The following ABCA7 variants were observed in gnomAD, a reference collection of about 807,000 sequenced individuals.
ABCA7 encodes the protein ATP binding cassette subfamily A member 7, also known as phospholipid-transporting ATPase ABCA7.
Under a neutral mutation model 227.6 loss-of-function variants are expected in ABCA7, and 261 were observed. The ratio of observed to expected loss-of-function variants is 1.15; its 90% CI spans 1.04 to 1.27. ABCA7 has a LOEUF of 1.27. ABCA7 is among the 50% of genes most tolerant of loss of function. The probability of loss-of-function intolerance (pLI) is 0.00; values close to 1 mark genes in which losing one functional copy is unlikely to be tolerated. For missense variants in ABCA7, 3,331 were observed against 2,924.5 expected (o/e 1.14, Z -3.21); for synonymous variants, 1,488 against 1,279.7 (o/e 1.16, Z -3.47).
chr19:1,057,265 A>G, intron 34 of ABCA7, 49 bp from the exon 35 acceptor site: 1 of 1,599,748 alleles, frequency 6.3e-7, no homozygotes, highest in Non-Finnish European at 8.6e-7. Context: ...TGAGGGTGGC[A>G]GTGCCCACCT....
In ABCA7 at chr19:1,058,263, C is replaced by T. The variant is rs749753167; in HGVS notation, c.5143C>T (p.Arg1715Cys). Residue 1715 changes from arginine to cysteine, a missense_variant, in exon 37 of 47, where the codon CGC (arginine) becomes TGC (cysteine). By Grantham distance (180) the Arg-to-Cys change is radical. Coordinates refer to ENST00000263094, the MANE Select transcript of ABCA7 (RefSeq NM_019112.4). ...RNQAMADAFERLGDRQFQSPL... is the reference protein window; with the variant it reads ...RNQAMADAFECLGDRQFQSPL... ...CCAGGCCATGGCTGATGCCTTTGAGCGCTTGGGTGAGAACTTCCTGTCAGG... is the reference window on the plus strand; with the variant it reads ...CCAGGCCATGGCTGATGCCTTTGAGTGCTTGGGTGAGAACTTCCTGTCAGG... The T allele has an allele frequency of 4.1e-5, 66 of 1,613,020 alleles. No homozygotes were observed. The highest frequency in any genetic ancestry group is 3.7e-4 in the South Asian group (34 of 91,040).
In ABCA7 at chr19:1,056,318, AC is replaced by A. The variant is rs60622178; in HGVS notation, c.4417-7del. The A allele has an allele frequency of 4.2e-3, 6,739 of 1,610,820 alleles. 249 individuals carry two copies. In the African/African-American group the frequency reaches 0.078, roughly 19 times the overall value. ...CCATTGCTCTGACCCTATGACCTTGACCCCCACCCAGATCTGGTTCAACAAC... is the reference window on the plus strand; with the variant it reads ...CCATTGCTCTGACCCTATGACCTTGACCCCACCCAGATCTGGTTCAACAAC... On this transcript the variant is annotated splice_polypyrimidine_tract_variant and intron_variant, in intron 32 of 46. Transcript: ENST00000263094. This position sits in a 1 kb window ranked among gnomAD's most constrained non-coding sequence, Gnocchi z 4.3.
Position 1,041,240 on chromosome 19 carries a change from T to C in ABCA7, c.-122T>C. On this transcript the variant is annotated 5_prime_UTR_variant, in exon 2 of 47. Coordinates refer to ENST00000263094, the MANE Select transcript of ABCA7 (RefSeq NM_019112.4). The stretch of plus-strand genomic sequence containing the variant: ...CTCTAATCAGAGCTTCCAGGAACCC[T>C]GCGCTGTGGGATAAAGGAATGAGGT... 3 of 1,019,560 alleles carry C rather than the reference T, an allele frequency of 2.9e-6. No individual in the cohort carries two copies. The highest frequency in any genetic ancestry group is 4.6e-6 in the Non-Finnish European group (3 of 651,802). The allele number at this position is 1,019,560 out of a possible 1,614,324, so 63.2% of individuals were successfully genotyped here.
intron 37 of ABCA7, 60 bp from the exon 38 acceptor site, chr19:1,058,558 G>A: frequency 1.3e-6 from 2 of 1,598,160 alleles, no homozygotes; most frequent in South Asian, 1.1e-5. Flanking sequence ...TGACATGGAT[G>A]GAGAAAGGGC....
Position 1,048,970 on chromosome 19 carries a change from G to C in ABCA7, c.2345G>C (p.Ser782Thr). The change falls in exon 17 of 47, where the codon AGT becomes ACT. Residue 782 changes from serine to threonine, a missense_variant. By Grantham distance (58) the Ser-to-Thr change is moderately conservative. Coordinates refer to ENST00000263094, the MANE Select transcript of ABCA7 (RefSeq NM_019112.4). ...SYWCGPRPPK[S>T]PAPCPTPLDP... Reference sequence around the variant, plus strand: ...TGGTGCGGACCTCGGCCCCCCAAGAGTCCAGCCCCTTGCCCCACCCCGCTG... The same window carrying C: ...TGGTGCGGACCTCGGCCCCCCAAGACTCCAGCCCCTTGCCCCACCCCGCTG... 1.2e-6 allele frequency: 2 copies of C among 1,607,608 alleles called. No homozygotes were observed. Among genetic ancestry groups the C allele is most frequent in the Non-Finnish European group, 8.5e-7 (1 of 1,177,516 alleles).
intron 42 of ABCA7, among the ~76,000 whole-genome samples, 160 bp downstream of exon 42, chr19:1,062,473 C>G (rs754627311): frequency 6.6e-6 from 1 of 152,084 alleles, no homozygotes; most frequent in Non-Finnish European, 1.5e-5. Flanking sequence ...GTCCCCCATC[C>G]TGGTCCAATA....
At chr19:1,040,677 C>G (rs2039941141) in intron 1 of ABCA7, among the ~76,000 whole-genome samples, 1 of 152,122 alleles carries the variant, frequency 6.6e-6, no homozygotes, top group Non-Finnish European at 1.5e-5. Flanking sequence ...CTATCCCAGC[C>G]CCTTCGCCTG....
rs765172308 is a variant in ABCA7, at chr19:1,046,226, G to T, written c.1446-4G>T. The T allele has an allele frequency of 1.1e-5, 18 of 1,605,878 alleles. No homozygotes were observed. The highest frequency in any genetic ancestry group is 1.5e-5 in the Non-Finnish European group (18 of 1,179,316). On this transcript the variant is annotated splice_region_variant and splice_polypyrimidine_tract_variant and intron_variant, in intron 12 of 46. Coordinates refer to ENST00000263094, the MANE Select transcript of ABCA7 (RefSeq NM_019112.4). ...TACAACCGGCCACCATGCCCCTCTC[G>T]CAGGTTTTGGGACCCTGGCCCAGCC...
In ABCA7 at chr19:1,052,198, G is replaced by T; in HGVS notation, c.3148-16G>T. 4 of 1,597,580 alleles carry T rather than the reference G, an allele frequency of 2.5e-6. No individual in the cohort carries two copies. The highest frequency in any genetic ancestry group is 3.4e-6 in the Non-Finnish European group (4 of 1,173,386). On this transcript the variant is annotated splice_polypyrimidine_tract_variant and intron_variant, in intron 22 of 46. Coordinates refer to ENST00000263094, the MANE Select transcript of ABCA7 (RefSeq NM_019112.4). ...AGCCCTGAAGGCCAAGCCACTTGGT[G>T]CCTCTCTGCCCGCAGGCTGACACTG...
chr19:1,048,822 AAC>A lies in ABCA7; in HGVS notation c.2270-71_2270-70del, dbSNP rs1455055196. ...AGACTCCGTCTCAAAAAAAAAAAAA[AAC>A]AAAACCCCAAAAAAAGCCTGGTACA... On this transcript the variant is annotated intron_variant, in intron 16 of 46. Transcript: ENST00000263094. 6,501 of 821,246 alleles carry A rather than the reference AAC, an allele frequency of 7.9e-3. 93 individuals carry two copies. The highest frequency in any genetic ancestry group is 0.055 in the African/African-American group (2,628 of 47,810). The allele number at this position is 821,246 out of a possible 1,614,324, so 50.9% of individuals were successfully genotyped here.
At position 1,043,799 on chromosome 19, in the gene ABCA7, C is replaced by T. The variant is rs61050214; in HGVS notation, c.1005C>T (p.Ile335=). The part of the protein sequence containing the change: ...REVWEMLGPR[I]FTFMNDSSNV... ...TGTGGGAGATGCTGGGACCCCGGAT[C>T]TTCACCTTCATGAACGACAGTTCCA... Residue 335 remains isoleucine (I), a synonymous_variant, in exon 10 of 47, where the codon ATC becomes ATT. Transcript: ENST00000263094. The T allele has an allele frequency of 1.9e-6, 3 of 1,613,224 alleles. No individual in the cohort carries two copies. Among genetic ancestry groups the T allele is most frequent in the Non-Finnish European group, 2.5e-6 (3 of 1,179,984 alleles).
rs902473731 is a variant in ABCA7, at chr19:1,051,517, G to A, written c.2893G>A (p.Glu965Lys). 8 of 1,612,606 alleles carry A rather than the reference G, an allele frequency of 5.0e-6. No homozygotes were observed. In the Admixed American group the frequency reaches 6.7e-5, roughly 13 times the overall value. Residue 965 changes from glutamate (E) to lysine (K), a missense_variant, in exon 21 of 47, where the codon GAG (glutamate) becomes AAG (lysine). Glu to Lys is a moderately conservative substitution (Grantham distance 56, BLOSUM62 1). Transcript: ENST00000263094. ...CGGCTCCCAAGTTGTTATCCTGGAC[G>A]AGCCTACGGCTGGCGTGGATCCTGC... is the stretch of plus-strand genomic sequence containing the variant. ...VGGSQVVILD[E>K]PTAGVDPASR...
At position 1,063,786 on chromosome 19, in the gene ABCA7, C is replaced by A; in HGVS notation, c.5874C>A (p.Pro1958=). The change falls in exon 44 of 47, where the codon CCC becomes CCA. Residue 1958 remains proline, a synonymous_variant. Transcript: ENST00000263094. ...ACGAGCCGACCACAGGCATGGACCC[C>A]AGCGCGCGGCGCTTCCTTTGGAACA... ...FLDEPTTGMD[P]SARRFLWNSL... 6.5e-7 allele frequency: 1 copy of A among 1,546,898 alleles called. No individual in the cohort carries two copies. The highest frequency in any genetic ancestry group is 1.4e-5 in the African/African-American group (1 of 73,164).
intron 13 of ABCA7, 76 bp from the exon 14 acceptor site, chr19:1,046,726 C>A: frequency 7.1e-7 from 1 of 1,410,094 alleles, no homozygotes; most frequent in Non-Finnish European, 9.6e-7. Context: ...GGACACGAAC[C>A]AGTCGTGCCA....
chr19:1,060,280 T>C (rs1407047694), intron 40 of ABCA7, among the ~76,000 whole-genome samples: 9 of 151,728 alleles, frequency 5.9e-5, no homozygotes, highest in Admixed American at 5.9e-4. Context: ...GGTGTAATCT[T>C]GGCTCACGGT....
chr19:1,063,832 G>C lies in ABCA7; in HGVS notation c.5920G>C (p.Glu1974Gln). 1 of 1,542,588 alleles carries C rather than the reference G, an allele frequency of 6.5e-7. No homozygotes were observed. The highest frequency in any genetic ancestry group is 8.7e-7 in the Non-Finnish European group (1 of 1,144,822). ...LWNSLLAVVR[E>Q]GRSVMLTSHS... ...GAACAGCCTTTTGGCCGTGGTGCGG[G>C]AGGGCCGTTCAGTGATGCTCACCTC... Residue 1974 changes from glutamate to glutamine, a missense_variant, in exon 44 of 47, where the codon GAG becomes CAG. Coordinates refer to ENST00000263094, the MANE Select transcript of ABCA7 (RefSeq NM_019112.4).
intron 30 of ABCA7, among the ~76,000 whole-genome samples, chr19:1,055,677 AT>A (rs2042189497): frequency 6.6e-6 from 1 of 151,464 alleles, no homozygotes; most frequent in South Asian, 2.1e-4. Flanking sequence ...TAATTTTTGT[AT>A]TTTTAGTAGA....
In ABCA7 at chr19:1,056,083, TG is replaced by T. The variant is rs768628795; in HGVS notation, c.4262del (p.Gly1421AlafsTer23). On this transcript the variant is annotated frameshift_variant, in exon 32 of 47. Transcript: ENST00000263094. LOFTEE classifies it high-confidence loss of function. The surrounding 1 kb of genome is among the most constrained non-coding windows in gnomAD (Gnocchi z 4.3). ...CCCCACAGATACGGAGGCTTCTCGC[TG>T]GGGGGCCGAGACCCAGGCCTGCCCT... The part of the protein sequence containing the change: ...VNEVRYGGFS[L>X]GGRDPGLPSG... 12 of 1,595,850 alleles carry T rather than the reference TG, an allele frequency of 7.5e-6. No homozygotes were observed. The highest frequency in any genetic ancestry group is 1.0e-5 in the Non-Finnish European group (12 of 1,170,058).
Position 1,051,313 on chromosome 19 carries a change from G to A in ABCA7, c.2824+19G>A, listed in dbSNP as rs777840432. 2.5e-6 allele frequency: 4 copies of A among 1,573,738 alleles called. No individual in the cohort carries two copies. In the African/African-American group the frequency reaches 5.5e-5, roughly 21 times the overall value. On this transcript the variant is annotated intron_variant, in intron 20 of 46. Transcript: ENST00000263094. ...CTCTCTGGTGAGCCCATCCCCAAGGGAGGTCACCTCACAGGGAGGGGCCTG... is the reference window on the plus strand; with the variant it reads ...CTCTCTGGTGAGCCCATCCCCAAGGAAGGTCACCTCACAGGGAGGGGCCTG...
Sources: allele counts gnomAD v4.1 joint callset (sites outside exome capture counted in the v4.1 genomes callset), GRCh38; gene constraint gnomAD v4.1.1; non-coding constraint Gnocchi (gnomAD v3.1); transcripts MANE v1.5; gene names NCBI Gene and HGNC (gene_info 2026-07-23, HGNC 2026-07-21).